The following ARB2A variants were observed in gnomAD, a reference collection of about 807,000 sequenced individuals.
ARB2A encodes cotranscriptional regulator ARB2A.
the ARB2A span, among the ~76,000 whole-genome samples, chr5:94,037,234 A>G: frequency 6.6e-6 from 1 of 152,170 alleles, no homozygotes; most frequent in South Asian, 2.1e-4. Flanking sequence ...TTTGTTTTCA[A>G]TTCTAAAATA....
At chr5:94,076,318 C>T in the ARB2A span, among the ~76,000 whole-genome samples, 3 of 152,188 alleles carry the variant, frequency 2.0e-5, no homozygotes, top group Non-Finnish European at 4.4e-5. Context: ...AAAGCCCTTT[C>T]ACTTAGCATA....
At chr5:94,096,326 AGG>A in the ARB2A span, among the ~76,000 whole-genome samples, 2 of 152,228 alleles carry the variant, frequency 1.3e-5, no homozygotes. Flanking sequence ...TGTAGAGGAA[AGG>A]GGTATCACTT....
At chr5:93,622,105 A>G in the ARB2A span, among the ~76,000 whole-genome samples, 1 of 152,238 alleles carries the variant, frequency 6.6e-6, no homozygotes, top group East Asian at 1.9e-4. Context: ...GAGGAAATAC[A>G]TTTAGCTATT....
At chr5:93,698,892 G>C in the ARB2A span, among the ~76,000 whole-genome samples, 1 of 152,138 alleles carries the variant, frequency 6.6e-6, no homozygotes, top group African/African-American at 2.4e-5. Flanking sequence ...CTATGGTGGG[G>C]GTCATGCAGG....
At chr5:93,816,288 T>C in the ARB2A span, among the ~76,000 whole-genome samples, 1 of 152,164 alleles carries the variant, frequency 6.6e-6, no homozygotes, top group African/African-American at 2.4e-5. Context: ...TCAACTGAAA[T>C]GTGTTTTTCT....
the ARB2A span, among the ~76,000 whole-genome samples, chr5:93,927,406 T>C: frequency 1.3e-5 from 2 of 152,166 alleles, no homozygotes; most frequent in African/African-American, 4.8e-5. Flanking sequence ...ACCCATGTGA[T>C]TGATGAACTG....
At chr5:93,942,625 A>T in the ARB2A span, among the ~76,000 whole-genome samples, 2 of 151,832 alleles carry the variant, frequency 1.3e-5, no homozygotes, top group African/African-American at 4.8e-5. Flanking sequence ...TAGTTAAGTC[A>T]ATAACTACAA....
the ARB2A span, among the ~76,000 whole-genome samples, chr5:93,672,681 G>A: frequency 4.6e-5 from 7 of 152,112 alleles, no homozygotes; most frequent in Middle Eastern, 3.4e-3. Context: ...TTAATGATGG[G>A]TAAGGAATAC....
the ARB2A span, among the ~76,000 whole-genome samples, chr5:93,901,571 TTTGAAAG>T: frequency 6.6e-6 from 1 of 152,106 alleles, no homozygotes; most frequent in East Asian, 1.9e-4. Context: ...CCTCAAAAAC[TTTGAAAG>T]ATGTTTATAA....
At chr5:93,993,148 C>A in the ARB2A span, among the ~76,000 whole-genome samples, 1 of 151,904 alleles carries the variant, frequency 6.6e-6, no homozygotes, top group Non-Finnish European at 1.5e-5. Flanking sequence ...TATTTTGGCT[C>A]AATGAAGGCA....
the ARB2A span, among the ~76,000 whole-genome samples, chr5:93,695,349 A>C: frequency 1.3e-5 from 2 of 152,160 alleles, no homozygotes; most frequent in Non-Finnish European, 1.5e-5. Context: ...CAAGAAAAAA[A>C]CCATCCCACC....
At chr5:93,878,202 T>C in the ARB2A span, among the ~76,000 whole-genome samples, 2 of 152,126 alleles carry the variant, frequency 1.3e-5, no homozygotes, top group African/African-American at 4.8e-5. Context: ...TATACTTTAA[T>C]AATGCAGGAC....
chr5:93,974,158 T>G, the ARB2A span, among the ~76,000 whole-genome samples: 1 of 152,122 alleles, frequency 6.6e-6, no homozygotes, highest in African/African-American at 2.4e-5. Flanking sequence ...GAGAGCAATC[T>G]CACATGTAAT....
chr5:93,913,471 GA>G, the ARB2A span, among the ~76,000 whole-genome samples: 5 of 151,700 alleles, frequency 3.3e-5, no homozygotes, highest in African/African-American at 1.2e-4. Context: ...GTCCTCCTCG[GA>G]TACTAGAGCC....
the ARB2A span, among the ~76,000 whole-genome samples, chr5:93,970,442 T>C: frequency 6.6e-6 from 1 of 152,110 alleles, no homozygotes; most frequent in East Asian, 1.9e-4. Flanking sequence ...TTAGAAGAAA[T>C]CATTTTTTAA....
chr5:93,772,007 G>A, the ARB2A span, among the ~76,000 whole-genome samples: 32 of 152,146 alleles, frequency 2.1e-4, no homozygotes, highest in African/African-American at 7.2e-4. Flanking sequence ...ACATGCACAC[G>A]TATGTTTACT....
the ARB2A span, among the ~76,000 whole-genome samples, chr5:93,878,707 AAAT>A: frequency 3.9e-5 from 6 of 152,068 alleles, no homozygotes; most frequent in Non-Finnish European, 8.8e-5. Context: ...AGAGTCCATT[AAAT>A]AATAGCTGAT....
At chr5:94,083,439 A>T in the ARB2A span, among the ~76,000 whole-genome samples, 1 of 152,066 alleles carries the variant, frequency 6.6e-6, no homozygotes, top group Admixed American at 6.6e-5. Flanking sequence ...TTCAATATCT[A>T]CAGAAAAGCA....
the ARB2A span, among the ~76,000 whole-genome samples, chr5:94,004,808 T>C: frequency 6.6e-6 from 1 of 150,972 alleles, no homozygotes; most frequent in Non-Finnish European, 1.5e-5. Flanking sequence ...TTTATTTGTG[T>C]TTCTATTTAA....
Sources: allele counts gnomAD v4.1 joint callset (sites outside exome capture counted in the v4.1 genomes callset), GRCh38; gene constraint gnomAD v4.1.1; transcripts MANE v1.5; gene names NCBI Gene and HGNC (gene_info 2026-07-23, HGNC 2026-07-21).